Variants in TRABD2A observed in about 807,000 individuals in gnomAD.
TRABD2A encodes the protein TraB domain containing 2A.
In TRABD2A, 43 loss-of-function variants were observed where a neutral mutation model predicts 45.6. The observed-to-expected ratio is 0.94, with a 90% CI of 0.74 to 1.22. The LOEUF (loss-of-function observed/expected upper bound fraction) is 1.22. Ranked by LOEUF, TRABD2A falls within the 50% of genes most tolerant of loss-of-function variation. The pLI is 0.00. For synonymous variants in TRABD2A, 269 were observed against 265.0 expected (o/e 1.02, Z -0.15); for missense variants, 642 against 652.4 (o/e 0.98, Z 0.17).
intron 2 of TRABD2A, among the ~76,000 whole-genome samples, chr2:84,858,899 G>A (rs1271535961): frequency 1.3e-5 from 2 of 152,158 alleles, no homozygotes; most frequent in African/African-American, 4.8e-5. Flanking sequence ...AGGCAGAGGT[G>A]GGAGGATCTT....
chr2:84,830,884 C>T lies in TRABD2A; in HGVS notation c.1082+1171G>A, dbSNP rs1275849727. On this transcript the variant is annotated intron_variant, in intron 5 of 6. Transcript: ENST00000409520. The surrounding 1 kb of genome is among the most constrained non-coding windows in gnomAD (Gnocchi z 4.9). ...GAGATGGGCGGCCTTCGGGCAGACACAACTGCTGGATCCTCTGCCAGGGGA... is the reference window on the plus strand; with the variant it reads ...GAGATGGGCGGCCTTCGGGCAGACATAACTGCTGGATCCTCTGCCAGGGGA... 6.6e-6 allele frequency among the ~76,000 whole-genome samples: 1 copy of T among 152,166 alleles called. No homozygotes were observed. Among genetic ancestry groups the T allele is most frequent in the Non-Finnish European group, 1.5e-5 (1 of 68,030 alleles).
At chr2:84,870,825 G>A (rs1183332140) in intron 1 of TRABD2A, 40 bp from the exon 2 acceptor site, 20 of 1,497,844 alleles carry the variant, frequency 1.3e-5, no homozygotes, top group Non-Finnish European at 1.5e-5. Flanking sequence ...TAATATGGGG[G>A]AGAGGCATGG....
chr2:84,870,555 A>G lies in TRABD2A; in HGVS notation c.339T>C (p.Asp113=), dbSNP rs1032329570. 3.1e-6 allele frequency: 5 copies of G among 1,613,908 alleles called. No individual in the cohort carries two copies. The highest frequency in any genetic ancestry group is 2.2e-5 in the South Asian group (2 of 91,068). Residue 113 remains aspartate (D), a synonymous_variant, in exon 2 of 7, where the codon GAT becomes GAC. Transcript: ENST00000409520. ...GGCAGTAGATGTCCCTGGGGAGCAC[A>G]TCTTGGAGGTTCTCGCCCTGTGGCA... ...QMLPQGENLQ[D]VLPRDIYCRL... is the part of the protein sequence containing the mutation.
chr2:84,824,709 A>T (rs553097143), intron 5 of TRABD2A, among the ~76,000 whole-genome samples: 2 of 152,072 alleles, frequency 1.3e-5, no homozygotes, highest in Non-Finnish European at 2.9e-5. Flanking sequence ...CTGACTAGTG[A>T]ACAGTAAAGC....
intron 5 of TRABD2A, among the ~76,000 whole-genome samples, chr2:84,828,971 G>C (rs1389612283): frequency 6.6e-6 from 1 of 152,054 alleles, no homozygotes; most frequent in African/African-American, 2.4e-5. Context: ...AGAGGAAACT[G>C]CACGAACAAA....
chr2:84,839,606 A>T (rs926641798), intron 3 of TRABD2A, among the ~76,000 whole-genome samples: 20 of 142,200 alleles, frequency 1.4e-4, no homozygotes, highest in African/African-American at 2.1e-4. Flanking sequence ...GTGTGTTTAT[A>T]AAAAAAAAAA....
At chr2:84,865,286 TC>T (rs1471422361) in intron 2 of TRABD2A, among the ~76,000 whole-genome samples, 3 of 152,040 alleles carry the variant, frequency 2.0e-5, no homozygotes, top group Non-Finnish European at 4.4e-5. Context: ...GCAGTGACCA[TC>T]CTCCTGGAAA....
intron 2 of TRABD2A, among the ~76,000 whole-genome samples, chr2:84,860,741 A>G (rs1415625723): frequency 6.6e-6 from 1 of 152,190 alleles, no homozygotes; most frequent in Non-Finnish European, 1.5e-5. Flanking sequence ...TCTCTCTTTC[A>G]TCCTCCACAG....
chr2:84,865,670 G>A (rs879667688), intron 2 of TRABD2A, among the ~76,000 whole-genome samples: 4 of 152,176 alleles, frequency 2.6e-5, no homozygotes, highest in Non-Finnish European at 4.4e-5. Context: ...CCACCACGAC[G>A]TCCGATCACT....
At chr2:84,877,620 G>A (rs1019055848) in intron 1 of TRABD2A, among the ~76,000 whole-genome samples, 9 of 152,304 alleles carry the variant, frequency 5.9e-5, no homozygotes, top group Middle Eastern at 6.8e-3. Flanking sequence ...AGAAAAAAGA[G>A]AGAGAGAAAA....
chr2:84,837,066 T>C (rs910398830), intron 4 of TRABD2A: 1 of 146,858 alleles, frequency 6.8e-6, no homozygotes, highest in East Asian at 2.0e-4. Flanking sequence ...TGATCTCAGC[T>C]TACTGCAACC....
chr2:84,836,986 G>GTTTTTTTTTT (rs57910749), intron 4 of TRABD2A: 3 of 85,992 alleles, frequency 3.5e-5, no homozygotes, highest in African/African-American at 4.9e-5. Flanking sequence ...TAATTTTAGG[G>GTTTTTTTTTT]TTTTTTTTTT....
intron 2 of TRABD2A, among the ~76,000 whole-genome samples, chr2:84,855,796 A>T (rs1682278343): frequency 6.6e-6 from 1 of 152,024 alleles, no homozygotes; most frequent in African/African-American, 2.4e-5. Context: ...GGGAGACCCA[A>T]GTCCCAGTTG....
At chr2:84,856,034 C>G (rs963455933) in intron 2 of TRABD2A, among the ~76,000 whole-genome samples, 1 of 152,162 alleles carries the variant, frequency 6.6e-6, no homozygotes, top group Non-Finnish European at 1.5e-5. Context: ...AAACAAAGGG[C>G]CTCGCATCTG....
chr2:84,868,529 CTAGT>C (rs930691668), intron 2 of TRABD2A, among the ~76,000 whole-genome samples: 2 of 149,180 alleles, frequency 1.3e-5, no homozygotes, highest in Non-Finnish European at 2.9e-5. Context: ...AATTAGTTAA[CTAGT>C]TAATTAGTTA....
At chr2:84,852,187 C>T (rs979078751) in intron 2 of TRABD2A, among the ~76,000 whole-genome samples, 1 of 152,200 alleles carries the variant, frequency 6.6e-6, no homozygotes, top group African/African-American at 2.4e-5. Context: ...TACTCTTCTA[C>T]AGTCATAAAC....
At chr2:84,871,396 C>T (rs1260928927) in intron 1 of TRABD2A, among the ~76,000 whole-genome samples, 1 of 152,212 alleles carries the variant, frequency 6.6e-6, no homozygotes, top group Non-Finnish European at 1.5e-5. Flanking sequence ...GCACTGGAAT[C>T]ACCCCCAAAG....
At chr2:84,880,009 C>G (rs1445833942) in intron 1 of TRABD2A, among the ~76,000 whole-genome samples, 1 of 151,536 alleles carries the variant, frequency 6.6e-6, no homozygotes, top group African/African-American at 2.4e-5. Context: ...CCCCCACCCC[C>G]GCGTCGCGGG....
At chr2:84,880,868 G>T in intron 1 of TRABD2A, 64 bp downstream of exon 1, 1 of 1,545,740 alleles carries the variant, frequency 6.5e-7, no homozygotes, top group African/African-American at 1.4e-5. Context: ...CGCGGGGTTC[G>T]GAGGGAAACC....
Sources: allele counts gnomAD v4.1 joint callset (sites outside exome capture counted in the v4.1 genomes callset), GRCh38; gene constraint gnomAD v4.1.1; non-coding constraint Gnocchi (gnomAD v3.1); transcripts MANE v1.5; gene names NCBI Gene and HGNC (gene_info 2026-07-23, HGNC 2026-07-21).